Variants in AFF1 observed in about 807,000 individuals in gnomAD.
The protein encoded by AFF1 is ALF transcription elongation factor 1, also known as AF4/FMR2 family member 1.
In AFF1, 48 loss-of-function variants were observed where a neutral mutation model predicts 121.7. The observed-to-expected ratio is 0.39, with a 90% confidence interval of 0.31 to 0.50. AFF1 has a LOEUF of 0.50. Among genes scored for constraint, AFF1 ranks in the 20% least tolerant of loss-of-function variants. AFF1 has a pLI of 0.76. For missense variants in AFF1, 1,523 were observed against 1,511.7 expected (o/e 1.01, Z -0.12); for synonymous variants, 613 against 563.0 (o/e 1.09, Z -1.26).
At chr4:86,956,769 T>C (rs1364923253) in intron 2 of AFF1, among the ~76,000 whole-genome samples, 2 of 152,260 alleles carry the variant, frequency 1.3e-5, no homozygotes, top group African/African-American at 4.8e-5. Flanking sequence ...TTTTTATTGC[T>C]AAATAATATT....
intron 2 of AFF1, among the ~76,000 whole-genome samples, chr4:86,961,511 CAG>C (rs1186280633): frequency 3.3e-5 from 5 of 150,536 alleles, no homozygotes; most frequent in African/African-American, 1.2e-4. Flanking sequence ...CTACAGTAGT[CAG>C]AGAAACGTGC....
intron 4 of AFF1, among the ~76,000 whole-genome samples, chr4:87,080,376 T>C (rs1723049851): frequency 6.6e-6 from 1 of 152,264 alleles, no homozygotes; most frequent in African/African-American, 2.4e-5. Context: ...TTAAGGACGT[T>C]GTACATTGAA....
At chr4:86,977,784 A>T (rs1723417919) in intron 2 of AFF1, among the ~76,000 whole-genome samples, 1 of 152,210 alleles carries the variant, frequency 6.6e-6, no homozygotes, top group Non-Finnish European at 1.5e-5. Context: ...TGTTTGTTGA[A>T]TTGCTTTGAA....
At chr4:87,029,670 T>C (rs975847289) in intron 2 of AFF1, among the ~76,000 whole-genome samples, 2 of 152,198 alleles carry the variant, frequency 1.3e-5, no homozygotes, top group Non-Finnish European at 2.9e-5. Context: ...CTGTGTCCCG[T>C]ATATCCTGTC....
rs187567673 is a variant in AFF1 at position 87,068,376 on chromosome 4, T to A, written c.1060-15744T>A. 7.9e-5 allele frequency among the ~76,000 whole-genome samples: 12 copies of A among 152,100 alleles called. No homozygotes were observed. In the East Asian group the frequency reaches 2.3e-3, roughly 29 times the overall value. On this transcript the variant is annotated intron_variant, in intron 4 of 20. Transcript: ENST00000395146. Reference sequence around the variant, plus strand: ...AAGGAAATTGTTAACTAGATGAGATTTTTCAGACACTGCCTATTAGGCAGG... The same window carrying A: ...AAGGAAATTGTTAACTAGATGAGATATTTCAGACACTGCCTATTAGGCAGG...
chr4:87,132,237 T>G, intron 18 of AFF1, 34 bp from the exon 19 acceptor site: 1 of 1,599,660 alleles, frequency 6.3e-7, no homozygotes, highest in Non-Finnish European at 8.5e-7. Context: ...AGTATGATAG[T>G]CACGTGCAGT....
intron 2 of AFF1, among the ~76,000 whole-genome samples, chr4:86,956,030 A>C (rs778097526): frequency 1.1e-4 from 16 of 152,210 alleles, no homozygotes; most frequent in Admixed American, 5.2e-4. Context: ...CTTACTAGAG[A>C]GTTTAATGGC....
intron 5 of AFF1, among the ~76,000 whole-genome samples, chr4:87,088,616 T>G (rs1723973421): frequency 6.7e-6 from 1 of 148,576 alleles, no homozygotes; most frequent in South Asian, 2.1e-4. Context: ...TTTTTTTTTT[T>G]GTTGTTGAGA....
rs538069328 is a variant in AFF1 at position 86,947,778 on chromosome 4, T to C, written c.-36-720T>C. On this transcript the variant is annotated intron_variant, in intron 1 of 20. Coordinates refer to ENST00000395146, the MANE Select transcript of AFF1 (RefSeq NM_001166693.3). ...TTTTCCCCCAAATTCAGTCTTGTTT[T>C]GAAAGAATGCCCAATAGTTGTTTTA... 7.2e-5 allele frequency among the ~76,000 whole-genome samples: 11 copies of C among 151,778 alleles called. 1 individual carries two copies. The East Asian group carries it at 2.1e-3, about 29-fold the overall frequency.
At chr4:87,081,442 G>A (rs1171309462) in intron 4 of AFF1, among the ~76,000 whole-genome samples, 2 of 152,120 alleles carry the variant, frequency 1.3e-5, no homozygotes, top group African/African-American at 2.4e-5. Context: ...GATTACAGGC[G>A]TGAGCCACTG....
At chr4:86,946,358 A>G (rs946458901) in intron 1 of AFF1, among the ~76,000 whole-genome samples, 14 of 151,962 alleles carry the variant, frequency 9.2e-5, no homozygotes, top group African/African-American at 2.4e-4. Flanking sequence ...TTTCTTCACT[A>G]TATTTTTTAT....
chr4:87,009,178 C>T (rs915435333), intron 2 of AFF1, among the ~76,000 whole-genome samples: 3 of 152,258 alleles, frequency 2.0e-5, no homozygotes, highest in African/African-American at 7.2e-5. Flanking sequence ...TTAGCTCTGA[C>T]TCTTCTCAGG....
At chr4:86,974,528 C>T (rs1553911499) in intron 2 of AFF1, among the ~76,000 whole-genome samples, 1 of 152,140 alleles carries the variant, frequency 6.6e-6, no homozygotes, top group Non-Finnish European at 1.5e-5. Context: ...AATATATTCT[C>T]CTTCTGTGGC....
chr4:87,010,952 G>A (rs1476431885), intron 2 of AFF1, among the ~76,000 whole-genome samples: 3 of 152,048 alleles, frequency 2.0e-5, no homozygotes, highest in South Asian at 2.1e-4. Flanking sequence ...GGTGGCGGGC[G>A]CCTGTAGTCC....
At chr4:86,995,144 G>C (rs1266865837) in intron 2 of AFF1, among the ~76,000 whole-genome samples, 2 of 152,242 alleles carry the variant, frequency 1.3e-5, no homozygotes. Flanking sequence ...GAGGTAGGAG[G>C]ATTGCTTGAG....
chr4:87,046,074 C>G, intron 2 of AFF1, 92 bp from the exon 3 acceptor site: 35 of 1,461,462 alleles, frequency 2.4e-5, no homozygotes, highest in Non-Finnish European at 3.2e-5. Context: ...CCAGACCTGT[C>G]CTCACCTCCC....
Position 87,138,030 on chromosome 4 carries a change from T to G in AFF1, c.*2329T>G. The G allele has an allele frequency of 4.6e-6, 1 of 219,246 alleles. No individual in the cohort carries two copies. Among genetic ancestry groups the G allele is most frequent in the Non-Finnish European group, 9.0e-6 (1 of 111,322 alleles). The allele number at this position is 219,246 out of a possible 1,614,324, so 13.6% of individuals were successfully genotyped here. A position where few individuals can be genotyped will look rare whatever the true frequency, so the allele number is the denominator to read the frequency against. On this transcript the variant is annotated 3_prime_UTR_variant, in exon 21 of 21. Transcript: ENST00000395146. ...TTCAGTGGCCTTACTCTTTGTGGGTTTTTTTTTTTTTCTCTGAACTTGATA... is the reference window on the plus strand; with the variant it reads ...TTCAGTGGCCTTACTCTTTGTGGGTGTTTTTTTTTTTCTCTGAACTTGATA...
chr4:86,937,310 T>C (rs1349464048), intron 1 of AFF1, among the ~76,000 whole-genome samples: 2 of 152,214 alleles, frequency 1.3e-5, no homozygotes, highest in African/African-American at 2.4e-5. Flanking sequence ...ATGACAAAAG[T>C]CCAGGCCATT....
At chr4:86,956,661 A>G (rs1721762168) in intron 2 of AFF1, among the ~76,000 whole-genome samples, 1 of 152,196 alleles carries the variant, frequency 6.6e-6, no homozygotes. Flanking sequence ...CATTTTATAT[A>G]AGTGCAATCA....
Sources: allele counts gnomAD v4.1 joint callset (sites outside exome capture counted in the v4.1 genomes callset), GRCh38; gene constraint gnomAD v4.1.1; transcripts MANE v1.5; gene names NCBI Gene and HGNC (gene_info 2026-07-23, HGNC 2026-07-21).